The following INPP5D variants were observed in gnomAD, a reference collection of about 807,000 sequenced individuals.
INPP5D encodes the protein phosphatidylinositol 3,4,5-trisphosphate 5-phosphatase 1.
In INPP5D, 33 loss-of-function variants were observed where a neutral mutation model predicts 122.9. The observed-to-expected ratio is 0.27, with a 90% CI of 0.20 to 0.36. The LOEUF is 0.36. Among genes scored for constraint, INPP5D ranks in the 10% least tolerant of loss-of-function variants. INPP5D has a pLI of 1.00. For missense variants in INPP5D, 1,053 were observed against 1,412.7 expected (o/e 0.75, Z 4.08); for synonymous variants, 584 against 576.2 (o/e 1.01, Z -0.19).
At chr2:233,155,912 T>C (rs982256406) in intron 9 of INPP5D, among the ~76,000 whole-genome samples, 2 of 152,154 alleles carry the variant, frequency 1.3e-5, no homozygotes, top group African/African-American at 4.8e-5. Context: ...TTACGCCCTG[T>C]GTCAGGGGCC....
chr2:233,099,628 T>C (rs774836707), intron 2 of INPP5D, among the ~76,000 whole-genome samples: 2 of 152,188 alleles, frequency 1.3e-5, no homozygotes, highest in Non-Finnish European at 2.9e-5. Flanking sequence ...TTGGATTTAG[T>C]GTTCTGTTCA....
At chr2:233,079,685 A>G (rs1238917569) in intron 2 of INPP5D, among the ~76,000 whole-genome samples, 1 of 152,188 alleles carries the variant, frequency 6.6e-6, no homozygotes, top group Non-Finnish European at 1.5e-5. Context: ...ATGAAGGGAA[A>G]GGAGGGGCTG....
intron 3 of INPP5D, among the ~76,000 whole-genome samples, chr2:233,122,940 G>A (rs907220037): frequency 3.3e-5 from 5 of 152,218 alleles, no homozygotes; most frequent in Non-Finnish European, 1.5e-5. Context: ...AGGATCAAAT[G>A]AGTTGAGAAA....
In INPP5D at chr2:233,184,529, G is replaced by A; in HGVS notation, c.2275+8G>A. 1.2e-6 allele frequency: 2 copies of A among 1,613,872 alleles called. No individual in the cohort carries two copies. The highest frequency in any genetic ancestry group is 2.2e-5 in the East Asian group (1 of 44,884). On this transcript the variant is annotated splice_region_variant and intron_variant, in intron 20 of 26. Coordinates refer to ENST00000445964, the MANE Select transcript of INPP5D (RefSeq NM_001017915.3). ...ACTCGAGCTGCTTGGAGAGTAAGTG[G>A]CTGCTGAGCCACCTTCTGGGCAGAA...
chr2:233,200,443 C>T (rs920177434), intron 25 of INPP5D, among the ~76,000 whole-genome samples: 4 of 152,238 alleles, frequency 2.6e-5, no homozygotes, highest in African/African-American at 9.6e-5. Flanking sequence ...GGTTCACTCT[C>T]AGCCTCTCTT....
At chr2:233,124,515 CTG>C (rs1693095672) in intron 3 of INPP5D, among the ~76,000 whole-genome samples, 1 of 152,248 alleles carries the variant, frequency 6.6e-6, no homozygotes, top group African/African-American at 2.4e-5. Context: ...GCACTGCCCT[CTG>C]GAATCAGGAA....
chr2:233,102,854 A>AAAAAAC, intron 2 of INPP5D, among the ~76,000 whole-genome samples: 1 of 150,428 alleles, frequency 6.6e-6, no homozygotes, highest in Non-Finnish European at 1.5e-5. Context: ...CGTCTCAAAA[A>AAAAAAC]AAAAAAAAAA....
At position 233,133,055 on chromosome 2, in the gene INPP5D, A is replaced by G. The variant is rs111758219; in HGVS notation, c.665+2407A>G. Among the ~76,000 whole-genome samples the G allele has an allele frequency of 7.5e-3, 1,128 of 151,342 alleles. 16 individuals are homozygous for G. Among genetic ancestry groups the G allele is most frequent in the African/African-American group, 0.025 (1,043 of 41,244 alleles). On this transcript the variant is annotated intron_variant, in intron 5 of 26. Coordinates refer to ENST00000445964, the MANE Select transcript of INPP5D (RefSeq NM_001017915.3). Reference sequence around the variant, plus strand: ...CACTCACTTGCTTCCCCCGAGTCCAATGGAGAAGCTGGGACTACAGGTATG... The same window carrying G: ...CACTCACTTGCTTCCCCCGAGTCCAGTGGAGAAGCTGGGACTACAGGTATG...
intron 4 of INPP5D, among the ~76,000 whole-genome samples, chr2:233,129,774 T>C (rs1028443427): frequency 1.3e-5 from 2 of 152,186 alleles, no homozygotes; most frequent in Non-Finnish European, 2.9e-5. Flanking sequence ...GCTAAAGCCA[T>C]TTGTTATCTC....
In INPP5D at chr2:233,170,106, G is replaced by A. The variant is rs546876794; in HGVS notation, c.1733G>A (p.Arg578His). 5.6e-6 allele frequency: 9 copies of A among 1,614,000 alleles called. No individual in the cohort carries two copies. Among genetic ancestry groups the A allele is most frequent in the African/African-American group, 2.7e-5 (2 of 75,050 alleles). ...CTGAGTCCCTTTAACATCACTCACCGCTTCACGCACCTCTTCTGGTTTGGG... is the reference window on the plus strand; with the variant it reads ...CTGAGTCCCTTTAACATCACTCACCACTTCACGCACCTCTTCTGGTTTGGG... ...KKLSPFNITH[R>H]FTHLFWFGDL... Residue 578 changes from arginine to histidine, a missense_variant, in exon 15 of 27, where the codon CGC becomes CAC. Physicochemically the swap from Arg to His is conservative, Grantham distance 29. Transcript: ENST00000445964. This position sits in a 1 kb window ranked among gnomAD's most constrained non-coding sequence, Gnocchi z 4.5.
chr2:233,132,885 A>ATTTT (rs35276718), intron 5 of INPP5D, among the ~76,000 whole-genome samples: 2 of 117,988 alleles, frequency 1.7e-5, no homozygotes, highest in Admixed American at 9.1e-5. Flanking sequence ...ATGAACAAGA[A>ATTTT]TTTTTTTTTT....
At chr2:233,121,988 C>A in intron 2 of INPP5D, 119 bp from the exon 3 acceptor site, 1 of 1,187,156 alleles carries the variant, frequency 8.4e-7, no homozygotes, top group Non-Finnish European at 1.2e-6. Flanking sequence ...GAGCCCAAGG[C>A]TTTTCCTGGA....
chr2:233,176,423 G>C (rs1337497212), intron 17 of INPP5D, among the ~76,000 whole-genome samples: 1 of 151,376 alleles, frequency 6.6e-6, no homozygotes, highest in Non-Finnish European at 1.5e-5. Context: ...ATGTGTGGGT[G>C]GGTGAATGGA....
At chr2:233,065,083 G>A (rs564512231) in intron 1 of INPP5D, among the ~76,000 whole-genome samples, 59 of 152,250 alleles carry the variant, frequency 3.9e-4, no homozygotes, top group Non-Finnish European at 6.3e-4. Context: ...AGGGGTATGT[G>A]CCCTGGAAGG....
rs748715355 is a variant in INPP5D at position 233,169,387 on chromosome 2, T to C, written c.1638T>C (p.Ser546=). 7 of 1,594,098 alleles carry C rather than the reference T, an allele frequency of 4.4e-6. No homozygotes were observed. Among genetic ancestry groups the C allele is most frequent in the Non-Finnish European group, 8.5e-7 (1 of 1,169,968 alleles). ...GFVNSHLTSG[S]EKKLRRNQNY... ...TCAACAGCCACTTGACTTCAGGAAG[T>C]GAAAAGAAACTCAGGTAATGGAACT... Residue 546 remains serine, a synonymous_variant, in exon 14 of 27, where the codon AGT becomes AGC. Transcript: ENST00000445964.
intron 1 of INPP5D, among the ~76,000 whole-genome samples, 169 bp downstream of exon 1, chr2:233,060,781 A>G (rs4246649): frequency 0.9 from 136,742 of 152,312 alleles, 61,510 homozygotes; most frequent in East Asian, 0.99. Flanking sequence ...AGCTGGTCTC[A>G]TGGCAGGTTT....
chr2:233,124,352 TG>T (rs775089618), intron 3 of INPP5D, among the ~76,000 whole-genome samples: 1 of 152,318 alleles, frequency 6.6e-6, no homozygotes, highest in East Asian at 1.9e-4. Context: ...GGCTGGCTTG[TG>T]GGCCACCAGG....
Position 233,184,527 on chromosome 2 carries a change from T to C in INPP5D, c.2275+6T>C. On this transcript the variant is annotated splice_donor_region_variant and intron_variant, in intron 20 of 26. Transcript: ENST00000445964. ...CCACTCGAGCTGCTTGGAGAGTAAG[T>C]GGCTGCTGAGCCACCTTCTGGGCAG... The C allele has an allele frequency of 6.2e-7, 1 of 1,613,926 alleles. No homozygotes were observed. Among genetic ancestry groups the C allele is most frequent in the Non-Finnish European group, 8.5e-7 (1 of 1,179,848 alleles).
Position 233,170,274 on chromosome 2 carries a change from C to T in INPP5D, c.1791+110C>T, listed in dbSNP as rs1329533532. The T allele has an allele frequency of 2.7e-5, 41 of 1,519,632 alleles. No individual in the cohort carries two copies. Among genetic ancestry groups the T allele is most frequent in the South Asian group, 3.8e-5 (3 of 79,726 alleles). The allele number at this position is 1,519,632 out of a possible 1,614,324, so 94.1% of individuals were successfully genotyped here. The stretch of plus-strand genomic sequence containing the variant: ...GACATGTGAATCAAGTGGGCTGAGG[C>T]GGCTGCTCCCCTTGGGGGCTCAACG... On this transcript the variant is annotated intron_variant, in intron 15 of 26. Coordinates refer to ENST00000445964, the MANE Select transcript of INPP5D (RefSeq NM_001017915.3). This position sits in a 1 kb window ranked among gnomAD's most constrained non-coding sequence, Gnocchi z 4.5.
Sources: gnomAD v4.1 joint callset for allele counts (sites outside exome capture counted in the v4.1 genomes callset) on GRCh38, gnomAD v4.1.1 for gene constraint, Gnocchi (gnomAD v3.1) non-coding constraint, MANE v1.5 for transcripts, NCBI Gene and HGNC (gene_info 2026-07-23, HGNC 2026-07-21) for gene names.